Variants in CLDN16 observed in about 807,000 individuals in gnomAD.
CLDN16 encodes claudin-16.
In CLDN16, 13 loss-of-function variants were observed where a neutral mutation model predicts 24.6. The ratio of observed to expected loss-of-function variants is 0.53; its 90% CI spans 0.34 to 0.84. CLDN16 has a LOEUF of 0.84. CLDN16 is among the 40% of genes least tolerant of loss of function. The probability of loss-of-function intolerance (pLI) is 0.01; values close to 1 mark genes in which losing one functional copy is unlikely to be tolerated. For missense variants in CLDN16, 298 were observed against 292.7 expected (o/e 1.02, Z -0.13); for synonymous variants, 116 against 106.7 (o/e 1.09, Z -0.54).
chr3:190,404,685 T>C, intron 2 of CLDN16, 77 bp from the exon 3 acceptor site: 1 of 1,476,220 alleles, frequency 6.8e-7, no homozygotes, highest in Non-Finnish European at 9.5e-7. Context: ...ACTTGTCTGT[T>C]TTTTTTGCTA....
chr3:190,350,973 C>A (rs2108635665), intron 1 of CLDN16, among the ~76,000 whole-genome samples: 1 of 152,066 alleles, frequency 6.6e-6, no homozygotes, highest in Non-Finnish European at 1.5e-5. Flanking sequence ...GAAATATGAC[C>A]CCTATGTTTG....
chr3:190,310,182 G>A, the CLDN16 span: 1 of 1,613,532 alleles, frequency 6.2e-7, no homozygotes, highest in Non-Finnish European at 8.5e-7. Flanking sequence ...GCATTGACTG[G>A]GGTCATAGGG....
chr3:190,352,807 A>AT (rs1717696595), intron 1 of CLDN16, among the ~76,000 whole-genome samples: 1 of 146,574 alleles, frequency 6.8e-6, no homozygotes, highest in African/African-American at 2.5e-5. Flanking sequence ...AAAAAAAAGG[A>AT]TAAAAAAAAC....
the CLDN16 span, among the ~76,000 whole-genome samples, chr3:190,301,695 A>G: frequency 6.6e-6 from 1 of 152,174 alleles, no homozygotes; most frequent in Non-Finnish European, 1.5e-5. Flanking sequence ...CATCTAGTCA[A>G]TCAGCAAAAG....
chr3:190,305,808 T>C, the CLDN16 span: 3 of 152,194 alleles, frequency 2.0e-5, no homozygotes, highest in South Asian at 6.2e-4. Flanking sequence ...CCAGGTGTGG[T>C]AGAAGAATAT....
At chr3:190,310,854 G>A in the CLDN16 span, among the ~76,000 whole-genome samples, 1 of 152,116 alleles carries the variant, frequency 6.6e-6, no homozygotes, top group Admixed American at 6.6e-5. Flanking sequence ...ATCAATTTAT[G>A]CAACCCAATC....
intron 1 of CLDN16, among the ~76,000 whole-genome samples, chr3:190,342,924 C>A (rs1717470055): frequency 6.6e-6 from 1 of 152,064 alleles, no homozygotes; most frequent in African/African-American, 2.4e-5. Flanking sequence ...AATATCACAC[C>A]AGAAGTTTAA....
chr3:190,379,971 C>CTCTATCTATTTATCTATCTATCTA (rs1553806897), intron 3 of CLDN16, among the ~76,000 whole-genome samples: 1 of 70,054 alleles, frequency 1.4e-5, no homozygotes, highest in South Asian at 4.6e-4. Flanking sequence ...TGTCTATCAA[C>CTCTATCTATTTATCTATCTATCTA]TCTGTCTATC....
At chr3:190,294,067 G>A in the CLDN16 span, among the ~76,000 whole-genome samples, 4 of 152,216 alleles carry the variant, frequency 2.6e-5, no homozygotes, top group Non-Finnish European at 5.9e-5. Context: ...TCAGGAAGGA[G>A]AAACCAGAGG....
the CLDN16 span, among the ~76,000 whole-genome samples, chr3:190,299,012 TATA>T: frequency 6.6e-6 from 1 of 152,206 alleles, no homozygotes; most frequent in African/African-American, 2.4e-5. Flanking sequence ...AAATTTACAG[TATA>T]ATGTTAGTAT....
At chr3:190,386,734 A>G (rs533617477), upstream of CLDN16, among the ~76,000 whole-genome samples, 10 of 152,302 alleles carry the variant, frequency 6.6e-5, no homozygotes, top group Admixed American at 5.9e-4. Context: ...TGTAGACCCT[A>G]TGTATAGAAA....
intron 1 of CLDN16, among the ~76,000 whole-genome samples, chr3:190,346,644 C>A (rs1218991447): frequency 6.6e-6 from 1 of 152,126 alleles, no homozygotes; most frequent in African/African-American, 2.4e-5. Flanking sequence ...TTTTCTGGAG[C>A]CCAGACGTCT....
chr3:190,343,626 G>A (rs552794066), intron 1 of CLDN16, among the ~76,000 whole-genome samples: 1 of 152,030 alleles, frequency 6.6e-6, no homozygotes, highest in Non-Finnish European at 1.5e-5. Flanking sequence ...TCAGCCTTAA[G>A]TACAAAGAGA....
intron 3 of CLDN16, among the ~76,000 whole-genome samples, chr3:190,379,642 T>C (rs1560091280): frequency 6.6e-6 from 1 of 152,114 alleles, no homozygotes; most frequent in Non-Finnish European, 1.5e-5. Flanking sequence ...TACTTGGTAT[T>C]GCTGTGCATG....
intron 1 of CLDN16, among the ~76,000 whole-genome samples, chr3:190,338,394 G>T (rs1717357574): frequency 6.6e-6 from 1 of 152,142 alleles, no homozygotes; most frequent in Non-Finnish European, 1.5e-5. Flanking sequence ...GATTACCTAA[G>T]GAAAAGGGCT....
intron 2 of CLDN16, among the ~76,000 whole-genome samples, chr3:190,372,938 T>C (rs1718172203): frequency 1.3e-5 from 2 of 151,884 alleles, no homozygotes; most frequent in Admixed American, 6.6e-5. Context: ...TAACCCCTCA[T>C]CTTTTTCTTC....
intron 1 of CLDN16, among the ~76,000 whole-genome samples, chr3:190,323,990 C>T (rs1053377486): frequency 2.6e-5 from 4 of 152,208 alleles, no homozygotes; most frequent in African/African-American, 7.2e-5. Flanking sequence ...GTCTAGGTCT[C>T]AGTGGATGTT....
chr3:190,311,568 A>G, the CLDN16 span, among the ~76,000 whole-genome samples: 1 of 151,824 alleles, frequency 6.6e-6, no homozygotes, highest in Non-Finnish European at 1.5e-5. Context: ...GTTTTTTTCT[A>G]TTAGTAGATT....
intron 2 of CLDN16, among the ~76,000 whole-genome samples, chr3:190,372,488 A>G (rs969916581): frequency 6.6e-6 from 1 of 151,744 alleles, no homozygotes; most frequent in African/African-American, 2.4e-5. Flanking sequence ...CCCCAAAATA[A>G]AAATAATTTA....
Sources: gnomAD v4.1 joint callset for allele counts (sites outside exome capture counted in the v4.1 genomes callset) on GRCh38, gnomAD v4.1.1 for gene constraint, MANE v1.5 for transcripts, NCBI Gene and HGNC (gene_info 2026-07-23, HGNC 2026-07-21) for gene names.